Variants in CELF4 observed in about 807,000 individuals in gnomAD.
CELF4 encodes CUGBP Elav-like family member 4.
Under a neutral mutation model 59.9 loss-of-function variants are expected in CELF4, and 18 were observed. That is an observed-to-expected ratio of 0.30 (90% CI 0.21 to 0.45). CELF4 has a LOEUF of 0.45. Among genes scored for constraint, CELF4 ranks in the 20% least tolerant of loss-of-function variants. The probability of loss-of-function intolerance (pLI) is 1.00; values close to 1 mark genes in which losing one functional copy is unlikely to be tolerated. For missense variants in CELF4, 456 were observed against 689.0 expected, an observed-to-expected ratio of 0.66 and a Z score of 3.79; for synonymous variants, 261 against 267.1, an observed-to-expected ratio of 0.98 and a Z score of 0.22.
At chr18:37,298,998 C>T (rs549681339) in intron 3 of CELF4, among the ~76,000 whole-genome samples, 1 of 152,150 alleles carries the variant, frequency 6.6e-6, no homozygotes, top group Non-Finnish European at 1.5e-5. Context: ...GCTTGCTAAC[C>T]TTCTGTGGAA....
intron 2 of CELF4, among the ~76,000 whole-genome samples, chr18:37,467,894 C>T (rs1455862335): frequency 1.3e-5 from 2 of 152,218 alleles, no homozygotes; most frequent in African/African-American, 4.8e-5. Context: ...ATGTGCCTCT[C>T]CCATGTGTGT....
intron 10 of CELF4, among the ~76,000 whole-genome samples, chr18:37,261,905 G>C (rs1284487442): frequency 6.6e-6 from 1 of 152,166 alleles, no homozygotes; most frequent in African/African-American, 2.4e-5. Flanking sequence ...CATGGGGAGG[G>C]GACCATGACA....
At chr18:37,491,199 T>TGCCCACCTCCTCTCCTCACCC (rs2099903457) in intron 1 of CELF4, among the ~76,000 whole-genome samples, 1 of 103,128 alleles carries the variant, frequency 9.7e-6, no homozygotes, top group Non-Finnish European at 2.3e-5. Flanking sequence ...TCTCCTCACC[T>TGCCCACCTCCTCTCCTCACCC]GAGAGGGACG....
intron 1 of CELF4, among the ~76,000 whole-genome samples, chr18:37,533,430 AG>A (rs1212791137): frequency 2.6e-5 from 4 of 152,148 alleles, no homozygotes; most frequent in Non-Finnish European, 5.9e-5. Flanking sequence ...CCCATACAGC[AG>A]GGGGGTGATT....
At chr18:37,284,005 C>CACA (rs1569524024) in intron 3 of CELF4, among the ~76,000 whole-genome samples, 1 of 43,214 alleles carries the variant, frequency 2.3e-5, no homozygotes, top group African/African-American at 1.2e-4. Context: ...ACAAACCCAA[C>CACA]CACTCAACAT....
chr18:37,449,601 T>C (rs549510916), intron 2 of CELF4, among the ~76,000 whole-genome samples: 2 of 152,130 alleles, frequency 1.3e-5, no homozygotes, highest in East Asian at 3.9e-4. Context: ...ACAATGAACA[T>C]GCAAGTCAGG....
chr18:37,256,442 T>C (rs1037397709), intron 11 of CELF4, among the ~76,000 whole-genome samples: 1 of 152,176 alleles, frequency 6.6e-6, no homozygotes, highest in African/African-American at 2.4e-5. Context: ...GGGTCTGCCC[T>C]GGGTAAGCTC....
At chr18:37,324,482 C>G (rs2097230331) in intron 2 of CELF4, among the ~76,000 whole-genome samples, 1 of 152,198 alleles carries the variant, frequency 6.6e-6, no homozygotes, top group Admixed American at 6.5e-5. Context: ...CCAATCCTGC[C>G]CACACCTTGA....
At chr18:37,531,328 G>A (rs773718680) in intron 1 of CELF4, among the ~76,000 whole-genome samples, 4 of 152,142 alleles carry the variant, frequency 2.6e-5, no homozygotes, top group African/African-American at 4.8e-5. Context: ...TTGAGGGTGT[G>A]GACAGTTTAG....
chr18:37,470,130 G>A (rs755381350), intron 2 of CELF4, among the ~76,000 whole-genome samples: 39 of 152,218 alleles, frequency 2.6e-4, no homozygotes, highest in Non-Finnish European at 4.1e-4. Flanking sequence ...ATGCTACCGA[G>A]TCAGAATAGA....
chr18:37,314,377 C>A (rs553413221), intron 3 of CELF4, among the ~76,000 whole-genome samples: 67 of 152,248 alleles, frequency 4.4e-4, no homozygotes, highest in African/African-American at 1.6e-3. Context: ...ATCGCTTAAA[C>A]CTGGGAGGTG....
At chr18:37,389,874 G>A (rs1228658893) in intron 2 of CELF4, among the ~76,000 whole-genome samples, 1 of 152,240 alleles carries the variant, frequency 6.6e-6, no homozygotes, top group Non-Finnish European at 1.5e-5. Context: ...CAGGCACAGA[G>A]TCATGCACGA....
intron 2 of CELF4, among the ~76,000 whole-genome samples, chr18:37,431,167 A>G (rs1162783750): frequency 6.6e-6 from 1 of 152,102 alleles, no homozygotes; most frequent in East Asian, 1.9e-4. Context: ...TGACTGTGCC[A>G]TCTAGTTCAC....
chr18:37,404,639 A>G (rs2099362999), intron 2 of CELF4, among the ~76,000 whole-genome samples: 2 of 152,242 alleles, frequency 1.3e-5, no homozygotes, highest in South Asian at 4.2e-4. Flanking sequence ...CTCTCACCCC[A>G]TACACTTTGG....
chr18:37,468,630 A>T (rs1046269800), intron 2 of CELF4, among the ~76,000 whole-genome samples: 4 of 152,180 alleles, frequency 2.6e-5, no homozygotes, highest in African/African-American at 7.2e-5. Flanking sequence ...TGCTATAAAG[A>T]CATACCTGAG....
chr18:37,516,993 G>A (rs916469759), intron 1 of CELF4, among the ~76,000 whole-genome samples: 3 of 152,222 alleles, frequency 2.0e-5, no homozygotes, highest in Non-Finnish European at 4.4e-5. Flanking sequence ...CTGCGGGACC[G>A]TGCCTTCAAC....
intron 2 of CELF4, among the ~76,000 whole-genome samples, chr18:37,433,851 C>T (rs2099679504): frequency 6.6e-6 from 1 of 152,238 alleles, no homozygotes; most frequent in Admixed American, 6.5e-5. Context: ...GGGAAGATGG[C>T]TTGCCTTGTG....
intron 3 of CELF4, among the ~76,000 whole-genome samples, chr18:37,318,607 T>A (rs888850166): frequency 4.8e-5 from 7 of 147,302 alleles, no homozygotes; most frequent in African/African-American, 1.8e-4. Context: ...AGAAAGATGT[T>A]TAGGTTTGGC....
chr18:37,259,393 C>A (rs868158840), intron 10 of CELF4, 129 bp from the exon 11 acceptor site: 1 of 555,354 alleles, frequency 1.8e-6, no homozygotes, highest in African/African-American at 1.9e-5. Context: ...GAGGGGGAGT[C>A]TCATTCCAGA....
Sources: allele counts gnomAD v4.1 joint callset (sites outside exome capture counted in the v4.1 genomes callset), GRCh38; gene constraint gnomAD v4.1.1; transcripts MANE v1.5; gene names NCBI Gene and HGNC (gene_info 2026-07-23, HGNC 2026-07-21).